Variants in MSR1 observed in about 807,000 individuals in gnomAD.
MSR1 encodes macrophage scavenger receptor 1.
MSR1 carries 53 observed loss-of-function variants against 47.2 expected under a neutral mutation model. The observed-to-expected ratio is 1.12, with a 90% confidence interval of 0.90 to 1.41. The LOEUF (loss-of-function observed/expected upper bound fraction) is 1.41. MSR1 is among the 40% of genes most tolerant of loss of function. The pLI is 0.00. For missense variants in MSR1, 786 were observed against 546.9 expected (o/e 1.44, Z -4.36); for synonymous variants, 239 against 185.6 (o/e 1.29, Z -2.34).
intron 8 of MSR1, among the ~76,000 whole-genome samples, chr8:16,128,980 G>A (rs1293500503): frequency 1.3e-5 from 2 of 152,256 alleles, no homozygotes; most frequent in East Asian, 1.9e-4. Flanking sequence ...AATGTACTGG[G>A]TAACAGGATT....
chr8:16,149,787 G>C (rs955317916), intron 7 of MSR1, among the ~76,000 whole-genome samples: 1 of 152,018 alleles, frequency 6.6e-6, no homozygotes, highest in African/African-American at 2.4e-5. Context: ...ACTTCACAAA[G>C]TCTGGCCAGT....
chr8:16,120,693 A>T lies in MSR1; in HGVS notation c.1034-87T>A, dbSNP rs1040443742. On this transcript the variant is annotated intron_variant, in intron 8 of 9. Transcript: ENST00000262101. ...ACTGCTTTACAGCACTTTTTTTTTA[A>T]ACACAAAAAAATGTTTAGCACATTT... is the stretch of plus-strand genomic sequence containing the variant. 2.1e-6 allele frequency: 3 copies of T among 1,437,150 alleles called. No individual in the cohort carries two copies. In the African/African-American group the frequency reaches 4.4e-5, roughly 21 times the overall value. The allele number at this position is 1,437,150 out of a possible 1,614,324, so 89.0% of individuals were successfully genotyped here.
At chr8:16,149,172 A>G (rs767880739) in intron 7 of MSR1, among the ~76,000 whole-genome samples, 7 of 152,116 alleles carry the variant, frequency 4.6e-5, no homozygotes, top group African/African-American at 7.2e-5. Context: ...ACTAATGTAC[A>G]TTATAGATTT....
intron 6 of MSR1, among the ~76,000 whole-genome samples, chr8:16,152,114 CA>C: frequency 6.6e-6 from 1 of 152,220 alleles, no homozygotes; most frequent in South Asian, 2.1e-4. Context: ...CTCAGTAATA[CA>C]ATCATTATTT....
At chr8:16,172,988 T>A (rs1422372247) in intron 3 of MSR1, among the ~76,000 whole-genome samples, 1 of 152,164 alleles carries the variant, frequency 6.6e-6, no homozygotes, top group East Asian at 1.9e-4. Flanking sequence ...AATATACTGA[T>A]CTACAACTTA....
chr8:16,128,040 G>A (rs939017905), intron 8 of MSR1, among the ~76,000 whole-genome samples: 1 of 152,070 alleles, frequency 6.6e-6, no homozygotes, highest in African/African-American at 2.4e-5. Flanking sequence ...AATATTGGCA[G>A]TAAACAAAAG....
chr8:16,113,409 A>G (rs1444871738), intron 9 of MSR1, among the ~76,000 whole-genome samples: 1 of 152,184 alleles, frequency 6.6e-6, no homozygotes, highest in Non-Finnish European at 1.5e-5. Context: ...CAGCTGCTGA[A>G]TAGATAAATG....
intron 8 of MSR1, among the ~76,000 whole-genome samples, chr8:16,122,108 C>T (rs1800018905): frequency 6.6e-6 from 1 of 151,990 alleles, no homozygotes; most frequent in Admixed American, 6.5e-5. Context: ...AAATATAATT[C>T]AGTGCTAAAT....
chr8:16,132,620 T>G (rs1800288241), intron 8 of MSR1, among the ~76,000 whole-genome samples: 1 of 152,114 alleles, frequency 6.6e-6, no homozygotes, highest in African/African-American at 2.4e-5. Flanking sequence ...CCCAAGTAGC[T>G]GGGACTACAG....
chr8:16,144,934 G>A (rs1254037123), intron 7 of MSR1, among the ~76,000 whole-genome samples: 1 of 151,770 alleles, frequency 6.6e-6, no homozygotes, highest in African/African-American at 2.4e-5. Context: ...GTCTTCATCT[G>A]TGCTTTATTT....
intron 8 of MSR1, chr8:16,140,325 T>C (rs994982598): frequency 2.3e-5 from 23 of 985,234 alleles, no homozygotes; most frequent in African/African-American, 7.0e-5. Context: ...GTCTTTACTT[T>C]GATCAAAAAT....
At chr8:16,134,678 A>T (rs543734300) in intron 8 of MSR1, among the ~76,000 whole-genome samples, 1 of 152,294 alleles carries the variant, frequency 6.6e-6, no homozygotes, top group South Asian at 2.1e-4. Context: ...CAAAAGCTAC[A>T]CATGATAAAC....
intron 6 of MSR1, 121 bp downstream of exon 6, chr8:16,154,943 C>G (rs544848381): frequency 3.6e-6 from 3 of 828,776 alleles, no homozygotes; most frequent in African/African-American, 1.7e-5. Flanking sequence ...CATACACACA[C>G]ACACACACAT....
At chr8:16,190,479 T>C (rs1802166420) in intron 1 of MSR1, among the ~76,000 whole-genome samples, 1 of 152,104 alleles carries the variant, frequency 6.6e-6, no homozygotes, top group South Asian at 2.1e-4. Flanking sequence ...CATTTTTATT[T>C]TTTATTATTA....
At chr8:16,151,592 T>C (rs1207345810) in intron 6 of MSR1, among the ~76,000 whole-genome samples, 2 of 152,096 alleles carry the variant, frequency 1.3e-5, no homozygotes. Context: ...TCTGTGGCAA[T>C]GGGAAAGGGT....
intron 5 of MSR1, among the ~76,000 whole-genome samples, chr8:16,157,079 GAA>G (rs1554469744): frequency 6.6e-6 from 1 of 151,856 alleles, no homozygotes; most frequent in Non-Finnish European, 1.5e-5. Context: ...ATGGTATTTT[GAA>G]AAAAGTGCGC....
At chr8:16,129,792 C>G in intron 8 of MSR1, among the ~76,000 whole-genome samples, 1 of 152,044 alleles carries the variant, frequency 6.6e-6, no homozygotes. Flanking sequence ...CAGGACATTT[C>G]CAGAGACGAT....
chr8:16,184,382 C>T (rs1052898181), intron 1 of MSR1, among the ~76,000 whole-genome samples: 3 of 151,804 alleles, frequency 2.0e-5, no homozygotes, highest in South Asian at 2.1e-4. Context: ...TGAGTACCTT[C>T]GAGAGTGGGA....
At chr8:16,131,282 C>T (rs1800248815) in intron 8 of MSR1, among the ~76,000 whole-genome samples, 2 of 152,050 alleles carry the variant, frequency 1.3e-5, no homozygotes, top group Admixed American at 6.6e-5. Context: ...ACGTGTACGT[C>T]TTCCTTTGAA....
Sources: gnomAD v4.1 joint callset for allele counts (sites outside exome capture counted in the v4.1 genomes callset) on GRCh38, gnomAD v4.1.1 for gene constraint, MANE v1.5 for transcripts, NCBI Gene and HGNC (gene_info 2026-07-23, HGNC 2026-07-21) for gene names.